Variants in PDE1C observed in about 807,000 individuals in gnomAD.
PDE1C encodes dual specificity calcium/calmodulin-dependent 3',5'-cyclic nucleotide phosphodiesterase 1C.
In PDE1C, 62 loss-of-function variants were observed where a neutral mutation model predicts 93.1. That is an observed-to-expected ratio of 0.67 (90% CI 0.54 to 0.82). The LOEUF (loss-of-function observed/expected upper bound fraction) is 0.82, where lower values mean the gene tolerates loss of function less well. Among genes scored for constraint, PDE1C ranks in the 40% least tolerant of loss-of-function variants. The probability of loss-of-function intolerance (pLI) is 0.00; values close to 1 mark genes in which losing one functional copy is unlikely to be tolerated. For missense variants in PDE1C, 742 were observed against 884.6 expected (o/e 0.84, Z 2.04); for synonymous variants, 325 against 310.1 (o/e 1.05, Z -0.50).
At chr7:32,131,118 C>T (rs940344739) in intron 3 of PDE1C, among the ~76,000 whole-genome samples, 4 of 152,084 alleles carry the variant, frequency 2.6e-5, no homozygotes, top group African/African-American at 4.8e-5. Context: ...AGAACCTGTA[C>T]ACATGCCTTT....
intron 1 of PDE1C, 149 bp downstream of exon 1, chr7:32,070,144 T>C: frequency 7.4e-7 from 1 of 1,342,936 alleles, no homozygotes; most frequent in Non-Finnish European, 1.0e-6. Context: ...TAGCAGTGAC[T>C]GTAATTAACA....
chr7:31,711,351 T>C, the PDE1C span, among the ~76,000 whole-genome samples: 10 of 152,232 alleles, frequency 6.6e-5, no homozygotes, highest in Non-Finnish European at 1.2e-4. Flanking sequence ...TTGCATTTGC[T>C]CAGTCTTTTT....
chr7:32,226,155 A>G (rs1473807721), intron 1 of PDE1C, among the ~76,000 whole-genome samples: 1 of 152,126 alleles, frequency 6.6e-6, no homozygotes, highest in Admixed American at 6.5e-5. Flanking sequence ...GTAGTGATGG[A>G]GCTCTGGTTT....
intron 1 of PDE1C, among the ~76,000 whole-genome samples, chr7:32,324,508 G>A (rs1783365808): frequency 6.6e-6 from 1 of 152,178 alleles, no homozygotes; most frequent in Admixed American, 6.5e-5. Flanking sequence ...CTGTCTGCAT[G>A]GGCATTCCCA....
chr7:32,015,887 A>G (rs77256398), intron 2 of PDE1C, among the ~76,000 whole-genome samples: 6,562 of 152,274 alleles, frequency 0.043, 174 homozygotes, highest in Middle Eastern at 0.099. Flanking sequence ...GATTCACACT[A>G]AAGTGATAAG....
intron 2 of PDE1C, among the ~76,000 whole-genome samples, chr7:31,916,953 C>A (rs1583953460): frequency 6.6e-6 from 1 of 152,098 alleles, no homozygotes; most frequent in African/African-American, 2.4e-5. Context: ...CATTGCTATT[C>A]TTCTATCAAT....
At chr7:31,883,201 C>T (rs1396562391) in intron 2 of PDE1C, among the ~76,000 whole-genome samples, 1 of 152,130 alleles carries the variant, frequency 6.6e-6, no homozygotes, top group Admixed American at 6.5e-5. Context: ...CATAAGAAGC[C>T]AATAAATACA....
intron 16 of PDE1C, among the ~76,000 whole-genome samples, chr7:31,778,506 C>T (rs1783169871): frequency 6.6e-6 from 1 of 152,170 alleles, no homozygotes; most frequent in Non-Finnish European, 1.5e-5. Flanking sequence ...GGCCTCTACC[C>T]ATGAGATGTC....
At chr7:31,833,017 C>T (rs912938585) in intron 11 of PDE1C, among the ~76,000 whole-genome samples, 1 of 152,126 alleles carries the variant, frequency 6.6e-6, no homozygotes, top group African/African-American at 2.4e-5. Flanking sequence ...TAAATTGTAG[C>T]TCCTATAATT....
At chr7:31,627,517 A>G in the PDE1C span, among the ~76,000 whole-genome samples, 1 of 151,982 alleles carries the variant, frequency 6.6e-6, no homozygotes, top group African/African-American at 2.4e-5. Flanking sequence ...AATTAGTCCA[A>G]TGGGATGGTG....
intron 2 of PDE1C, among the ~76,000 whole-genome samples, chr7:32,008,376 G>C (rs1002616959): frequency 1.3e-5 from 2 of 152,176 alleles, no homozygotes; most frequent in African/African-American, 4.8e-5. Context: ...TTCTAGGTTA[G>C]GCACGTTCCA....
At chr7:32,060,557 G>A (rs1687692275) in intron 1 of PDE1C, among the ~76,000 whole-genome samples, 1 of 152,186 alleles carries the variant, frequency 6.6e-6, no homozygotes, top group Admixed American at 6.5e-5. Flanking sequence ...GGGAAAAAAA[G>A]CGCCAACTAG....
the PDE1C span, among the ~76,000 whole-genome samples, chr7:31,661,489 G>T: frequency 1.3e-5 from 2 of 152,110 alleles, no homozygotes; most frequent in Admixed American, 1.3e-4. Context: ...CAGGTGGGTG[G>T]ATCACCTGAG....
chr7:31,689,192 G>C, the PDE1C span, among the ~76,000 whole-genome samples: 22 of 152,244 alleles, frequency 1.4e-4, no homozygotes, highest in African/African-American at 5.1e-4. Context: ...GTCCCTGTGT[G>C]AGTGTTAGAA....
intron 2 of PDE1C, among the ~76,000 whole-genome samples, chr7:32,028,860 G>C (rs1447843485): frequency 6.6e-6 from 1 of 151,866 alleles, no homozygotes; most frequent in Non-Finnish European, 1.5e-5. Flanking sequence ...CTTCCCCCCA[G>C]CCTCTGTAGC....
chr7:31,732,611 T>TTCTCTCTC, the PDE1C span, among the ~76,000 whole-genome samples: 969 of 143,888 alleles, frequency 6.7e-3, 10 homozygotes, highest in African/African-American at 0.024. Flanking sequence ...CTTTAAATCT[T>TTCTCTCTC]TCTCTCTCTC....
Position 32,324,925 on chromosome 7 carries a change from G to T in PDE1C, c.310+102897C>A, listed in dbSNP as rs1783375848. 1.3e-5 allele frequency among the ~76,000 whole-genome samples: 2 copies of T among 152,092 alleles called. 1 individual carries two copies. The highest frequency in any genetic ancestry group is 4.1e-4 in the South Asian group (2 of 4,834). On this transcript the variant is annotated intron_variant, in intron 1 of 1. Transcript: ENST00000672256. ...GATCCTACCACTGTACTCCGGCCTGGGTGACAGAGGAAGGCCCTATCTCAA... is the reference window on the plus strand; with the variant it reads ...GATCCTACCACTGTACTCCGGCCTGTGTGACAGAGGAAGGCCCTATCTCAA...
chr7:32,060,143 A>G (rs1056087032), intron 1 of PDE1C, among the ~76,000 whole-genome samples: 2 of 152,208 alleles, frequency 1.3e-5, no homozygotes, highest in East Asian at 3.8e-4. Context: ...GGTTTTTTCT[A>G]ATTGAATTAT....
intron 3 of PDE1C, 93 bp from the exon 4 acceptor site, chr7:31,879,271 T>A: frequency 8.2e-7 from 1 of 1,226,412 alleles, no homozygotes; most frequent in Non-Finnish European, 1.1e-6. Context: ...CTCACCTGCA[T>A]GTTAGGTGCA....
Sources: gnomAD v4.1 joint callset for allele counts (sites outside exome capture counted in the v4.1 genomes callset) on GRCh38, gnomAD v4.1.1 for gene constraint, MANE v1.5 for transcripts, NCBI Gene and HGNC (gene_info 2026-07-23, HGNC 2026-07-21) for gene names.